The following MTOR variants were observed in gnomAD, a reference collection of about 807,000 sequenced individuals.
MTOR encodes the protein serine/threonine-protein kinase mTOR.
A neutral mutation model predicts 319.8 loss-of-function variants in MTOR; 70 were observed. The ratio of observed to expected loss-of-function variants is 0.22; its 90% CI spans 0.18 to 0.27. The LOEUF (loss-of-function observed/expected upper bound fraction) is 0.27. MTOR is among the 10% of genes least tolerant of loss of function. MTOR has a pLI of 1.00. For missense variants in MTOR, 1,890 were observed against 3,274.4 expected, an observed-to-expected ratio of 0.58 and a Z score of 10.32; for synonymous variants, 1,183 against 1,211.4, an observed-to-expected ratio of 0.98 and a Z score of 0.49.
intron 36 of MTOR, among the ~76,000 whole-genome samples, chr1:11,135,278 G>T (rs945515204): frequency 5.3e-5 from 8 of 152,160 alleles, no homozygotes; most frequent in South Asian, 2.1e-4. Flanking sequence ...TTTTTCTAGA[G>T]GGGGGAAAAC....
Position 11,106,768 on chromosome 1 carries a change from T to C in MTOR, c.*717A>G, listed in dbSNP as rs2100273267. The stretch of plus-strand genomic sequence containing the variant: ...GACCACTGAAAACATCCCAGAACCC[T>C]GCTGCAGAAGGCCAGTGAGGGTGGT... On this transcript the variant is annotated 3_prime_UTR_variant, in exon 58 of 58. Transcript: ENST00000361445. 1 of 1,255,050 alleles carries C rather than the reference T, an allele frequency of 8.0e-7. No individual in the cohort carries two copies. The highest frequency in any genetic ancestry group is 1.6e-5 in the South Asian group (1 of 60,846). 77.7% of individuals were successfully genotyped at this position (1,255,050 alleles called of 1,614,324 possible). A position where few individuals can be genotyped will look rare whatever the true frequency, so the allele number is the denominator to read the frequency against.
At position 11,177,256 on chromosome 1, in the gene MTOR, C is replaced by G. The variant is rs574848542; in HGVS notation, c.4254-9739G>C. 2.0e-5 allele frequency among the ~76,000 whole-genome samples: 3 copies of G among 152,248 alleles called. No homozygotes were observed. In the East Asian group the frequency reaches 5.8e-4, roughly 29 times the overall value. The stretch of plus-strand genomic sequence containing the variant: ...TGCAAGAGAGGTGGCCAGCTTTAGA[C>G]AGTCAAAATAGGTTTCTTTGGCTAG... On this transcript the variant is annotated intron_variant, in intron 28 of 57. Coordinates refer to ENST00000361445, the MANE Select transcript of MTOR (RefSeq NM_004958.4).
intron 28 of MTOR, among the ~76,000 whole-genome samples, chr1:11,170,522 C>T (rs1241927729): frequency 1.3e-5 from 2 of 151,394 alleles, no homozygotes; most frequent in Non-Finnish European, 2.9e-5. Context: ...TTTAAACCAG[C>T]CTGGGCAACA....
At chr1:11,259,972 C>T (rs1650902089) in intron 1 of MTOR, among the ~76,000 whole-genome samples, 1 of 152,168 alleles carries the variant, frequency 6.6e-6, no homozygotes, top group Non-Finnish European at 1.5e-5. Context: ...TGTGTTTCTT[C>T]AACTACAATA....
At chr1:11,137,971 TG>T (rs1372648282) in intron 36 of MTOR, among the ~76,000 whole-genome samples, 1 of 152,198 alleles carries the variant, frequency 6.6e-6, no homozygotes, top group Non-Finnish European at 1.5e-5. Context: ...TATGAAGATA[TG>T]ACATCTCTAG....
intron 49 of MTOR, among the ~76,000 whole-genome samples, chr1:11,118,643 G>A (rs1387639532): frequency 7.0e-6 from 1 of 143,856 alleles, no homozygotes; most frequent in Non-Finnish European, 1.5e-5. Flanking sequence ...TTTTGAGACA[G>A]GGTCTGGCTC....
chr1:11,217,703 G>C (rs900595827), intron 19 of MTOR, among the ~76,000 whole-genome samples: 1 of 150,828 alleles, frequency 6.6e-6, no homozygotes, highest in Non-Finnish European at 1.5e-5. Context: ...GAGCCACCAC[G>C]CCTGGCCCCC....
Position 11,160,075 on chromosome 1 carries a change from CATTTATTT to C in MTOR, c.4330-2792_4330-2785del, listed in dbSNP as rs70977549. Among the ~76,000 whole-genome samples, 1,415 of 143,416 alleles carry C rather than the reference CATTTATTT, an allele frequency of 9.9e-3. 14 individuals are homozygous for C. The highest frequency in any genetic ancestry group is 0.025 in the African/African-American group (983 of 38,732). 94.1% of individuals were successfully genotyped at this position (143,416 alleles called of 152,430 possible). A position where few individuals can be genotyped will look rare whatever the true frequency, so the allele number is the denominator to read the frequency against. Reference sequence around the variant, plus strand: ...CCTCAATGTCAGATATCAATTATAGCATTTATTTATTTATTTATTTATTTATTTATTTA... The same window carrying C: ...CCTCAATGTCAGATATCAATTATAGCATTTATTTATTTATTTATTTATTTA... On this transcript the variant is annotated intron_variant, in intron 29 of 57. Transcript: ENST00000361445.
Position 11,193,905 on chromosome 1 carries a change from G to A in MTOR, c.4253+5353C>T, listed in dbSNP as rs1645666082. ...ATTCATTGTGATGGTTTTCCTGCAA[G>A]TTGTAATGGAGTTGAGGAAAAATAG... On this transcript the variant is annotated intron_variant, in intron 28 of 57. Transcript: ENST00000361445. 3.8e-6 allele frequency: 4 copies of A among 1,039,246 alleles called. No homozygotes were observed. The African/African-American group carries it at 6.5e-5, about 17-fold the overall frequency. The allele number at this position is 1,039,246 out of a possible 1,614,324, so 64.4% of individuals were successfully genotyped here.
rs765034247 is a variant in MTOR, at chr1:11,122,126, G to A, written c.6663C>T (p.Ser2221=). The change falls in exon 48 of 58, where the codon AGC becomes AGT. Residue 2221 remains serine (S), a splice_region_variant and synonymous_variant. Transcript: ENST00000361445. ...AAGGGATGACAGCGTATCTCTGGAT[G>A]CTGGCGCCCACAGAAAAGCAGGGTT... ...NDPTSLRKNL[S]IQRYAVIPLS... The A allele has an allele frequency of 2.3e-5, 37 of 1,614,118 alleles. No homozygotes were observed. The highest frequency in any genetic ancestry group is 3.1e-5 in the Non-Finnish European group (37 of 1,180,038).
intron 46 of MTOR, among the ~76,000 whole-genome samples, 196 bp downstream of exon 46, chr1:11,126,426 C>T (rs959163728): frequency 4.6e-5 from 7 of 152,142 alleles, no homozygotes; most frequent in African/African-American, 1.7e-4. Context: ...ATAAGCCCAA[C>T]TACATGAATG....
chr1:11,256,111 C>A lies in MTOR; in HGVS notation c.586G>T (p.Val196Leu). Reference sequence around the variant, plus strand: ...GCCTGTTTGGGGTCCCACACGGCCACAAAAATGTTGTCAAAGAAGGGTTGC... The same window carrying A: ...GCCTGTTTGGGGTCCCACACGGCCAAAAAAATGTTGTCAAAGAAGGGTTGC... ...QVQPFFDNIF[V>L]AVWDPKQAIR... Residue 196 changes from valine (V) to leucine (L), a missense_variant, in exon 5 of 58, where the codon GTG (valine) becomes TTG (leucine). By Grantham distance (32) the Val-to-Leu change is conservative (BLOSUM62 1). Coordinates refer to ENST00000361445, the MANE Select transcript of MTOR (RefSeq NM_004958.4). 6.2e-7 allele frequency: 1 copy of A among 1,614,120 alleles called. No homozygotes were observed. Among genetic ancestry groups the A allele is most frequent in the Non-Finnish European group, 8.5e-7 (1 of 1,180,024 alleles).
In MTOR at chr1:11,225,074, CAGG is replaced by C. The variant is rs375807721; in HGVS notation, c.3030+3591_3030+3593del. The stretch of plus-strand genomic sequence containing the variant: ...GAAACAGAAAATGACTGAAAATGGA[CAGG>C]AGGTTTTTTTGCTGGGGTGATTTAA... On this transcript the variant is annotated intron_variant, in intron 19 of 57. Coordinates refer to ENST00000361445, the MANE Select transcript of MTOR (RefSeq NM_004958.4). Among the ~76,000 whole-genome samples the C allele has an allele frequency of 1.8e-3, 281 of 152,172 alleles. 3 individuals carry two copies. Among genetic ancestry groups the C allele is most frequent in the African/African-American group, 6.5e-3 (271 of 41,504 alleles).
At position 11,199,745 on chromosome 1, in the gene MTOR, C is replaced by A; in HGVS notation, c.3945-42G>T. On this transcript the variant is annotated intron_variant, in intron 26 of 57. Transcript: ENST00000361445. This position sits in a 1 kb window ranked among gnomAD's most constrained non-coding sequence, Gnocchi z 4.5. ...TGGAAAATGGAGAGACCTCCCGTGC[C>A]TCTGCCTGCTGCCTCAAAGTCACAC... 1 of 1,605,842 alleles carries A rather than the reference C, an allele frequency of 6.2e-7. No individual in the cohort carries two copies. Among genetic ancestry groups the A allele is most frequent in the Admixed American group, 1.7e-5 (1 of 59,590 alleles).
intron 28 of MTOR, chr1:11,193,897 T>C: frequency 9.3e-7 from 1 of 1,080,592 alleles, no homozygotes. Context: ...GTGATGGTTT[T>C]CCTGCAAGTT....
At chr1:11,134,164 T>A (rs1324412375) in intron 37 of MTOR, among the ~76,000 whole-genome samples, 187 bp downstream of exon 37, 1 of 152,030 alleles carries the variant, frequency 6.6e-6, no homozygotes, top group African/African-American at 2.4e-5. Context: ...CTGCTGAACC[T>A]AGGAAAGCAA....
intron 30 of MTOR, among the ~76,000 whole-genome samples, 199 bp downstream of exon 30, chr1:11,156,953 A>C (rs918441557): frequency 3.9e-5 from 6 of 152,158 alleles, no homozygotes; most frequent in African/African-American, 1.4e-4. Context: ...GTTTAAGTGA[A>C]GGCCTTCCTA....
At chr1:11,234,627 G>A (rs1417929252) in intron 13 of MTOR, among the ~76,000 whole-genome samples, 2 of 152,202 alleles carry the variant, frequency 1.3e-5, no homozygotes, top group Admixed American at 6.5e-5. Context: ...AGGAAAGAAG[G>A]TAGGGCCCCT....
At chr1:11,218,555 C>T (rs1256682938) in intron 19 of MTOR, among the ~76,000 whole-genome samples, 1 of 152,092 alleles carries the variant, frequency 6.6e-6, no homozygotes, top group East Asian at 1.9e-4. Flanking sequence ...GAAAACAGGC[C>T]TACAGCGATG....
Sources: allele counts gnomAD v4.1 joint callset (sites outside exome capture counted in the v4.1 genomes callset), GRCh38; gene constraint gnomAD v4.1.1; non-coding constraint Gnocchi (gnomAD v3.1); transcripts MANE v1.5; gene names NCBI Gene and HGNC (gene_info 2026-07-23, HGNC 2026-07-21).